The following CPA6 variants were observed in gnomAD, a reference collection of about 807,000 sequenced individuals.
CPA6 encodes the protein carboxypeptidase A6, also known as carboxypeptidase B.
Under a neutral mutation model 63.3 loss-of-function variants are expected in CPA6, and 58 were observed. The ratio of observed to expected loss-of-function variants is 0.92; its 90% CI spans 0.74 to 1.14. The LOEUF (loss-of-function observed/expected upper bound fraction) is 1.14, where lower values mean the gene tolerates loss of function less well. CPA6 is among the 50% of genes most tolerant of loss of function. The pLI, the probability that CPA6 is intolerant of heterozygous loss-of-function variation, is 0.00. For missense variants in CPA6, 565 were observed against 526.6 expected (o/e 1.07, Z -0.71); for synonymous variants, 185 against 179.0 (o/e 1.03, Z -0.27).
chr8:67,567,838 T>C (rs1813378230), intron 2 of CPA6, among the ~76,000 whole-genome samples: 1 of 152,166 alleles, frequency 6.6e-6, no homozygotes, highest in African/African-American at 2.4e-5. Flanking sequence ...TTCCCTAGCA[T>C]TCTGAGATGC....
At chr8:67,545,580 T>TTTTTTTTTTTTAGATGGGG (rs750417027) in intron 2 of CPA6, among the ~76,000 whole-genome samples, 2 of 125,634 alleles carry the variant, frequency 1.6e-5, no homozygotes, top group Non-Finnish European at 1.7e-5. Context: ...TTTTTTTTTT[T>TTTTTTTTTTTTAGATGGGG]TTTTGAGATG....
chr8:67,511,222 GT>G (rs1812036262), intron 4 of CPA6, among the ~76,000 whole-genome samples: 1 of 152,150 alleles, frequency 6.6e-6, no homozygotes, highest in African/African-American at 2.4e-5. Context: ...TTCTTGGCTT[GT>G]TAGTGAAGGC....
chr8:67,711,060 C>T (rs1434659852), intron 1 of CPA6, among the ~76,000 whole-genome samples: 1 of 152,116 alleles, frequency 6.6e-6, no homozygotes, highest in African/African-American at 2.4e-5. Flanking sequence ...GTTTGAGTTA[C>T]CTGGAACTGC....
rs190079549 is a variant in CPA6 at position 67,440,563 on chromosome 8, C to T, written c.839-6323G>A. ...TCCAGCCTGGGTGGCAGAGAAAGAC[C>T]CTATCTCAAAAAAAATAATAAAAAA... On this transcript the variant is annotated intron_variant, in intron 8 of 10. Coordinates refer to ENST00000297770, the MANE Select transcript of CPA6 (RefSeq NM_020361.5). Among the ~76,000 whole-genome samples, 359 of 151,796 alleles carry T rather than the reference C, an allele frequency of 2.4e-3. 1 individual carries two copies. Among genetic ancestry groups the T allele is most frequent in the Admixed American group, 3.6e-3 (55 of 15,246 alleles).
intron 1 of CPA6, among the ~76,000 whole-genome samples, chr8:67,694,363 G>T (rs964732774): frequency 1.3e-5 from 2 of 152,226 alleles, no homozygotes; most frequent in Non-Finnish European, 2.9e-5. Context: ...CTGAGAGACA[G>T]CTCTTGGCCT....
chr8:67,444,714 C>G (rs1454273184), intron 8 of CPA6, among the ~76,000 whole-genome samples: 1 of 146,606 alleles, frequency 6.8e-6, no homozygotes. Context: ...ACCCGGGAGA[C>G]GGAGGTTGCA....
intron 1 of CPA6, among the ~76,000 whole-genome samples, chr8:67,700,317 T>C (rs948411719): frequency 2.6e-5 from 4 of 152,202 alleles, no homozygotes; most frequent in Admixed American, 2.6e-4. Context: ...AGTTATAAAC[T>C]CTGAAAGAAA....
intron 1 of CPA6, among the ~76,000 whole-genome samples, chr8:67,737,523 T>C (rs1817836893): frequency 6.6e-6 from 1 of 152,174 alleles, no homozygotes; most frequent in African/African-American, 2.4e-5. Flanking sequence ...CTGGGTTAGG[T>C]GACCCTCTCC....
rs548441401 is a variant in CPA6 at position 67,657,570 on chromosome 8, G to A, written c.117-33319C>T. Among the ~76,000 whole-genome samples the A allele has an allele frequency of 2.0e-5, 3 of 152,334 alleles. No individual in the cohort carries two copies. The South Asian group carries it at 6.2e-4, about 32-fold the overall frequency. On this transcript the variant is annotated intron_variant, in intron 1 of 10. Transcript: ENST00000297770. ...AGGCTCTCTCCACACCTGATGTGGT[G>A]TGTTCACTGGTATCTCCAGCAACCA...
intron 3 of CPA6, among the ~76,000 whole-genome samples, chr8:67,516,857 C>G (rs144641178): frequency 0.032 from 4,871 of 152,090 alleles, 245 homozygotes; most frequent in African/African-American, 0.11. Context: ...AGTGCAGTGG[C>G]GCGATCTCAG....
chr8:67,584,769 A>C (rs1813880181), intron 2 of CPA6, among the ~76,000 whole-genome samples: 1 of 152,096 alleles, frequency 6.6e-6, no homozygotes, highest in African/African-American at 2.4e-5. Context: ...AGAGAAGGCT[A>C]ATCAATGGAA....
At chr8:67,713,600 AAGT>A in intron 1 of CPA6, among the ~76,000 whole-genome samples, 1 of 152,304 alleles carries the variant, frequency 6.6e-6, no homozygotes, top group South Asian at 2.1e-4. Context: ...TTTGTGTAAC[AAGT>A]AGTAGACAGT....
Position 67,422,705 on chromosome 8 carries a change from C to CAA in CPA6, c.1127-16_1127-15dup, listed in dbSNP as rs60236534. 1,403 of 1,227,768 alleles carry CAA rather than the reference C, an allele frequency of 1.1e-3. 10 individuals are homozygous for CAA. The African/African-American group carries it at 0.018, about 16-fold the overall frequency. The allele number at this position is 1,227,768 out of a possible 1,614,324, so 76.1% of individuals were successfully genotyped here. On this transcript the variant is annotated splice_polypyrimidine_tract_variant and intron_variant, in intron 10 of 10. Coordinates refer to ENST00000297770, the MANE Select transcript of CPA6 (RefSeq NM_020361.5). ...CAGAGCTCACATCTAAAAGTTAAAA[C>CAA]AAAAAAAAAAAGATCAGCCTCACTA...
intron 2 of CPA6, among the ~76,000 whole-genome samples, chr8:67,592,158 T>A (rs568058008): frequency 0.019 from 2,916 of 152,316 alleles, 97 homozygotes; most frequent in African/African-American, 0.064. Flanking sequence ...GTGGTTTTTG[T>A]CTTTGGTTCT....
At chr8:67,703,246 C>T (rs115630134) in intron 1 of CPA6, among the ~76,000 whole-genome samples, 1,581 of 152,276 alleles carry the variant, frequency 0.01, 35 homozygotes, top group African/African-American at 0.036. Flanking sequence ...GTCTCAGTGG[C>T]TCTGCTCCCC....
intron 2 of CPA6, among the ~76,000 whole-genome samples, chr8:67,582,146 A>G (rs1246474555): frequency 6.6e-6 from 1 of 152,192 alleles, no homozygotes; most frequent in Non-Finnish European, 1.5e-5. Flanking sequence ...CAGCTGCTAG[A>G]GCTGTAATGA....
At chr8:67,616,051 A>G (rs1256627666) in intron 2 of CPA6, among the ~76,000 whole-genome samples, 1 of 152,156 alleles carries the variant, frequency 6.6e-6, no homozygotes, top group Non-Finnish European at 1.5e-5. Flanking sequence ...GGGTCACACC[A>G]AAGAGTTTGA....
chr8:67,679,876 G>A (rs1816556554), intron 1 of CPA6, among the ~76,000 whole-genome samples: 1 of 152,160 alleles, frequency 6.6e-6, no homozygotes, highest in South Asian at 2.1e-4. Context: ...GGTGCAGCAT[G>A]TTGTTACCTG....
chr8:67,570,597 G>A (rs550352469), intron 2 of CPA6, among the ~76,000 whole-genome samples: 18 of 152,266 alleles, frequency 1.2e-4, no homozygotes, highest in East Asian at 1.9e-4. Flanking sequence ...AGAGTTGTAC[G>A]CAATAAAAGT....
Sources: allele counts gnomAD v4.1 joint callset (sites outside exome capture counted in the v4.1 genomes callset), GRCh38; gene constraint gnomAD v4.1.1; transcripts MANE v1.5; gene names NCBI Gene and HGNC (gene_info 2026-07-23, HGNC 2026-07-21).